MYBPC1: variants seen among roughly 807,000 people sequenced by gnomAD.
MYBPC1 encodes myosin binding protein C1.
A neutral mutation model predicts 147.1 loss-of-function variants in MYBPC1; 52 were observed. That is an observed-to-expected ratio of 0.35 (90% CI 0.28 to 0.45). MYBPC1 has a LOEUF of 0.45. MYBPC1 is among the 20% of genes least tolerant of loss of function. The probability of loss-of-function intolerance (pLI) is 1.00; values close to 1 mark genes in which losing one functional copy is unlikely to be tolerated. For missense variants in MYBPC1, 1,228 were observed against 1,440.3 expected (o/e 0.85, Z 2.39); for synonymous variants, 477 against 475.9 (o/e 1.00, Z -0.03).
In MYBPC1 at chr12:101,677,221, T is replaced by C. The variant is rs372246123; in HGVS notation, c.2950-14T>C. The C allele has an allele frequency of 3.1e-6, 5 of 1,610,816 alleles. No individual in the cohort carries two copies. Among genetic ancestry groups the C allele is most frequent in the Non-Finnish European group, 3.4e-6 (4 of 1,177,346 alleles). On this transcript the variant is annotated splice_polypyrimidine_tract_variant and intron_variant, in intron 26 of 31. Transcript: ENST00000361466. ...AGGTGATTTTCCTCCAGTTATTATT[T>C]TTTTTTCTTTTAGGAATGGTTTACT... is the stretch of plus-strand genomic sequence containing the variant.
chr12:101,644,713 A>G lies in MYBPC1; in HGVS notation c.882A>G (p.Arg294=), dbSNP rs1392049424. Reference sequence around the variant, plus strand: ...CATATCAGGTTGACAAAGGAGGCAGAGTGAGGTTTGTTGTGGAGCTGGCAG... The same window carrying G: ...CATATCAGGTTGACAAAGGAGGCAGGGTGAGGTTTGTTGTGGAGCTGGCAG... The part of the protein sequence containing the change: ...DPAYQVDKGG[R]VRFVVELADP... The change falls in exon 12 of 32, where the codon AGA becomes AGG. Residue 294 remains arginine, a synonymous_variant. Transcript: ENST00000361466. The G allele has an allele frequency of 1.2e-6, 2 of 1,614,042 alleles. No homozygotes were observed. The highest frequency in any genetic ancestry group is 3.3e-5 in the Admixed American group (2 of 60,026).
intron 12 of MYBPC1, among the ~76,000 whole-genome samples, chr12:101,645,003 A>C (rs146701723): frequency 6.6e-6 from 1 of 152,334 alleles, no homozygotes; most frequent in East Asian, 1.9e-4. Context: ...GTTTAATTCT[A>C]AAAAACTATT....
At position 101,666,902 on chromosome 12, in the gene MYBPC1, C is replaced by T. The variant is rs878986407; in HGVS notation, c.2357-830C>T. ...AATACTCATCACATACATACACACA[C>T]ACACACACACACACACACACACACA... On this transcript the variant is annotated intron_variant, in intron 22 of 31. Coordinates refer to ENST00000361466, the MANE Select transcript of MYBPC1 (RefSeq NM_002465.4). The T allele has an allele frequency of 4.6e-5, 24 of 523,690 alleles. 1 individual carries two copies. The highest frequency in any genetic ancestry group is 2.0e-4 in the East Asian group (4 of 19,798). The allele number at this position is 523,690 out of a possible 1,614,324, so 32.4% of individuals were successfully genotyped here. A position where few individuals can be genotyped will look rare whatever the true frequency, so the allele number is the denominator to read the frequency against.
chr12:101,646,996 T>G, intron 13 of MYBPC1, 109 bp downstream of exon 13: 1 of 1,375,674 alleles, frequency 7.3e-7, no homozygotes, highest in South Asian at 1.2e-5. Flanking sequence ...GCAGCTATTA[T>G]GGATCCTAAT....
intron 10 of MYBPC1, chr12:101,636,936 T>C: frequency 1.9e-6 from 1 of 515,906 alleles, no homozygotes; most frequent in Non-Finnish European, 3.5e-6. Flanking sequence ...CTTTTAAACT[T>C]TCTTTTTAAA....
Position 101,642,425 on chromosome 12 carries a change from G to T in MYBPC1, c.672G>T (p.Val224=), listed in dbSNP as rs1278859591. The T allele has an allele frequency of 1.2e-6, 2 of 1,614,000 alleles. No individual in the cohort carries two copies. Among genetic ancestry groups the T allele is most frequent in the African/African-American group, 2.7e-5 (2 of 74,942 alleles). ...DFSGLLKRRE[V]KQQEEEPQVD... Reference sequence around the variant, plus strand: ...CATGGTTCTCCCCGGTTAGGGAGGTGAAGCAGCAGGAGGAAGAACCCCAGG... The same window carrying T: ...CATGGTTCTCCCCGGTTAGGGAGGTTAAGCAGCAGGAGGAAGAACCCCAGG... Residue 224 remains valine, a synonymous_variant, in exon 11 of 32, where the codon GTG becomes GTT. Transcript: ENST00000361466.
At chr12:101,688,975 G>GA (rs748067327), downstream of MYBPC1, among the ~76,000 whole-genome samples, 14 of 135,178 alleles carry the variant, frequency 1.0e-4, no homozygotes, top group Admixed American at 8.1e-4. Context: ...AAAAGAAAAA[G>GA]AAAAAAAAAG....
chr12:101,676,886 T>C (rs1355442614), intron 26 of MYBPC1, among the ~76,000 whole-genome samples: 1 of 152,134 alleles, frequency 6.6e-6, no homozygotes, highest in African/African-American at 2.4e-5. Context: ...CTACAAAAGA[T>C]AGCTAGGAAG....
intron 1 of MYBPC1, among the ~76,000 whole-genome samples, chr12:101,597,802 C>T (rs889225293): frequency 1.3e-5 from 2 of 152,122 alleles, no homozygotes; most frequent in Non-Finnish European, 2.9e-5. Context: ...ATAAAACTTA[C>T]CTTACACCAC....
intron 28 of MYBPC1, among the ~76,000 whole-genome samples, chr12:101,679,543 G>C: frequency 6.6e-6 from 1 of 152,140 alleles, no homozygotes; most frequent in Non-Finnish European, 1.5e-5. Flanking sequence ...GAAAGGAGAA[G>C]ACAATATGAG....
At chr12:101,614,660 T>C in intron 2 of MYBPC1, 129 bp downstream of exon 2, 3 of 861,502 alleles carry the variant, frequency 3.5e-6, no homozygotes, top group Non-Finnish European at 5.8e-6. Context: ...AGTTGGATGG[T>C]GACCATTGTG....
At chr12:101,606,690 A>G (rs560973864) in intron 1 of MYBPC1, among the ~76,000 whole-genome samples, 1 of 152,338 alleles carries the variant, frequency 6.6e-6, no homozygotes, top group African/African-American at 2.4e-5. Context: ...AGAGTGGGGA[A>G]CAAAATAAGC....
chr12:101,653,480 G>GCA (rs1894950384), intron 18 of MYBPC1, among the ~76,000 whole-genome samples: 1 of 98,836 alleles, frequency 1.0e-5, no homozygotes, highest in Non-Finnish European at 2.4e-5. Flanking sequence ...AGCATGTTTT[G>GCA]ATGCACAGTG....
At chr12:101,659,532 C>CTA (rs1896165985) in intron 18 of MYBPC1, 140 bp from the exon 19 acceptor site, 2 of 862,062 alleles carry the variant, frequency 2.3e-6, no homozygotes, top group Admixed American at 4.0e-5. Flanking sequence ...TATAGTTACA[C>CTA]TATATAGTCC....
At chr12:101,680,586 TG>T in intron 29 of MYBPC1, 57 bp downstream of exon 29, 1 of 1,589,540 alleles carries the variant, frequency 6.3e-7, no homozygotes, top group Non-Finnish European at 8.6e-7. Context: ...ATTGAATTAT[TG>T]TTCTTAATGC....
intron 28 of MYBPC1, among the ~76,000 whole-genome samples, chr12:101,680,098 G>C (rs539462264): frequency 1.3e-5 from 2 of 152,332 alleles, no homozygotes; most frequent in East Asian, 3.9e-4. Context: ...GAATCCATTT[G>C]AGAAGATTGC....
chr12:101,692,184 G>A, the MYBPC1 span, among the ~76,000 whole-genome samples: 1 of 152,174 alleles, frequency 6.6e-6, no homozygotes, highest in African/African-American at 2.4e-5. Flanking sequence ...GACTAGGAAG[G>A]TAGACCGGGC....
chr12:101,674,908 GA>G (rs1899573988), intron 25 of MYBPC1, among the ~76,000 whole-genome samples: 1 of 142,192 alleles, frequency 7.0e-6, no homozygotes, highest in Admixed American at 6.9e-5. Flanking sequence ...TTTAAGAGCA[GA>G]GCTAGAAAAA....
At chr12:101,601,458 A>G (rs1031310103) in intron 1 of MYBPC1, among the ~76,000 whole-genome samples, 1 of 152,224 alleles carries the variant, frequency 6.6e-6, no homozygotes, top group African/African-American at 2.4e-5. Context: ...TTTAGGTCCC[A>G]TCAGATTGGG....
Sources: allele counts gnomAD v4.1 joint callset (sites outside exome capture counted in the v4.1 genomes callset), GRCh38; gene constraint gnomAD v4.1.1; transcripts MANE v1.5; gene names NCBI Gene and HGNC (gene_info 2026-07-23, HGNC 2026-07-21).